The following GPHN variants were observed in gnomAD, a reference collection of about 807,000 sequenced individuals.
GPHN encodes gephyrin.
A neutral mutation model predicts 95.5 loss-of-function variants in GPHN; 17 were observed. The ratio of observed to expected loss-of-function variants is 0.18; its 90% CI spans 0.12 to 0.27. The LOEUF (loss-of-function observed/expected upper bound fraction) is 0.27. GPHN is among the 10% of genes least tolerant of loss of function. The pLI is 1.00. For missense variants in GPHN, 660 were observed against 978.1 expected, an observed-to-expected ratio of 0.67 and a Z score of 4.34; for synonymous variants, 320 against 322.5, an observed-to-expected ratio of 0.99 and a Z score of 0.08.
chr14:66,662,940 A>G (rs2065748183), intron 1 of GPHN, among the ~76,000 whole-genome samples: 2 of 152,176 alleles, frequency 1.3e-5, no homozygotes, highest in Non-Finnish European at 1.5e-5. Context: ...AAGAATGAAA[A>G]AGAATGGACA....
At chr14:67,668,637 G>A in the GPHN span, among the ~76,000 whole-genome samples, 2 of 149,718 alleles carry the variant, frequency 1.3e-5, no homozygotes, top group African/African-American at 4.9e-5. Context: ...GCTAGGCACT[G>A]TTCTGGTACT....
chr14:66,618,493 T>C (rs1447392294), intron 1 of GPHN, among the ~76,000 whole-genome samples: 1 of 152,212 alleles, frequency 6.6e-6, no homozygotes, highest in African/African-American at 2.4e-5. Flanking sequence ...GTTAATCCAA[T>C]ATTGCATTTG....
the GPHN span, among the ~76,000 whole-genome samples, chr14:67,545,121 A>G: frequency 6.6e-6 from 1 of 152,198 alleles, no homozygotes. Context: ...TAAGCAATCA[A>G]GCTCTAGGGT....
chr14:67,301,066 A>G, the GPHN span, among the ~76,000 whole-genome samples: 20 of 152,242 alleles, frequency 1.3e-4, no homozygotes, highest in African/African-American at 4.8e-4. Flanking sequence ...TAAAATAGCA[A>G]GGTAACTGTT....
chr14:67,053,949 G>C (rs1469820276), intron 10 of GPHN, among the ~76,000 whole-genome samples: 2 of 152,186 alleles, frequency 1.3e-5, no homozygotes, highest in Non-Finnish European at 2.9e-5. Context: ...ACTAGGTATT[G>C]TTGGAACATA....
intron 2 of GPHN, among the ~76,000 whole-genome samples, chr14:66,752,057 T>C (rs143949826): frequency 6.6e-6 from 1 of 152,270 alleles, no homozygotes; most frequent in East Asian, 1.9e-4. Context: ...TTAAACCTCA[T>C]GAAGCAACTT....
the GPHN span, among the ~76,000 whole-genome samples, chr14:67,349,372 A>G: frequency 1.3e-5 from 2 of 152,360 alleles, no homozygotes; most frequent in East Asian, 3.9e-4. Flanking sequence ...TTATGTTTTC[A>G]GTCAGAGGTG....
rs144173316 is a variant in GPHN at position 67,057,407 on chromosome 14, T to TGGG, written c.1007-1241_1007-1239dup. ...TGAACAACAAGAACACATGGGCACATGGGTGGGGGGGGCAACAGCACACAC... is the reference window on the plus strand; with the variant it reads ...TGAACAACAAGAACACATGGGCACATGGGGGGTGGGGGGGGCAACAGCACACAC... On this transcript the variant is annotated intron_variant, in intron 10 of 22. Coordinates refer to ENST00000478722, the MANE Select transcript of GPHN (RefSeq NM_020806.5). Among the ~76,000 whole-genome samples, 1,083 of 123,534 alleles carry TGGG rather than the reference T, an allele frequency of 8.8e-3. 42 individuals carry two copies. The East Asian group carries it at 0.093, about 11-fold the overall frequency. The allele number at this position is 123,534 out of a possible 152,430, so 81.0% of individuals were successfully genotyped here. A position where few individuals can be genotyped will look rare whatever the true frequency, so the allele number is the denominator to read the frequency against.
the GPHN span, among the ~76,000 whole-genome samples, chr14:67,414,643 G>A: frequency 1.3e-5 from 2 of 152,256 alleles, no homozygotes; most frequent in Non-Finnish European, 2.9e-5. Context: ...TATTAGGTCT[G>A]TGTTTAAGTA....
chr14:67,439,502 A>G, the GPHN span, among the ~76,000 whole-genome samples: 1 of 152,074 alleles, frequency 6.6e-6, no homozygotes, highest in Non-Finnish European at 1.5e-5. Flanking sequence ...AGAGCTTGAA[A>G]ATGGACCTAA....
intron 4 of GPHN, among the ~76,000 whole-genome samples, chr14:66,872,607 C>T (rs749352939): frequency 5.9e-5 from 9 of 152,028 alleles, no homozygotes; most frequent in South Asian, 2.1e-4. Context: ...TTAAGAATGC[C>T]GTATCCTCCA....
chr14:66,550,045 T>C (rs1219244004), intron 1 of GPHN, among the ~76,000 whole-genome samples: 3 of 152,234 alleles, frequency 2.0e-5, no homozygotes, highest in Admixed American at 6.5e-5. Context: ...GATTAATGTT[T>C]TCATGCCTGC....
chr14:67,434,165 A>G, the GPHN span, among the ~76,000 whole-genome samples: 2 of 152,226 alleles, frequency 1.3e-5, no homozygotes, highest in Non-Finnish European at 2.9e-5. Context: ...TTTACACACA[A>G]TACTTCACAT....
the GPHN span, among the ~76,000 whole-genome samples, chr14:67,667,684 C>T: frequency 6.6e-6 from 1 of 152,302 alleles, no homozygotes; most frequent in East Asian, 1.9e-4. Context: ...GTGGCTCACG[C>T]CTGTAATCCC....
the GPHN span, among the ~76,000 whole-genome samples, chr14:67,623,921 A>G: frequency 6.6e-6 from 1 of 151,982 alleles, no homozygotes; most frequent in Non-Finnish European, 1.5e-5. Context: ...GCCTACTGCA[A>G]TCTCAACCTC....
chr14:67,712,129 A>G, the GPHN span, among the ~76,000 whole-genome samples: 1 of 152,084 alleles, frequency 6.6e-6, no homozygotes, highest in Non-Finnish European at 1.5e-5. Context: ...CATGTTGGCC[A>G]GGCTGGTCTT....
intron 2 of GPHN, among the ~76,000 whole-genome samples, chr14:66,740,754 A>G (rs1167455530): frequency 6.6e-6 from 1 of 152,200 alleles, no homozygotes; most frequent in African/African-American, 2.4e-5. Context: ...AAATTTATAA[A>G]GAGTAAGGCC....
the GPHN span, among the ~76,000 whole-genome samples, chr14:67,715,377 T>G: frequency 6.6e-6 from 1 of 152,212 alleles, no homozygotes. Flanking sequence ...AAACAGAAAA[T>G]AGCAAAACAT....
At chr14:66,765,748 C>A (rs2058941526) in intron 2 of GPHN, among the ~76,000 whole-genome samples, 1 of 151,576 alleles carries the variant, frequency 6.6e-6, no homozygotes, top group Admixed American at 6.6e-5. Context: ...TGCACATGTA[C>A]TACTGAAACA....
Sources: allele counts gnomAD v4.1 joint callset (sites outside exome capture counted in the v4.1 genomes callset), GRCh38; gene constraint gnomAD v4.1.1; transcripts MANE v1.5; gene names NCBI Gene and HGNC (gene_info 2026-07-23, HGNC 2026-07-21).